The following PCSK5 variants were observed in gnomAD, a reference collection of about 807,000 sequenced individuals.
PCSK5 encodes proprotein convertase subtilisin/kexin type 5.
PCSK5 carries 129 observed loss-of-function variants against 233.2 expected under a neutral mutation model. That is an observed-to-expected ratio of 0.55 (90% CI 0.48 to 0.64). The LOEUF is 0.64. PCSK5 is among the 30% of genes least tolerant of loss of function. The probability of loss-of-function intolerance (pLI) is 0.00; values close to 1 mark genes in which losing one functional copy is unlikely to be tolerated. For missense variants in PCSK5, 2,076 were observed against 2,430.1 expected (o/e 0.85, Z 3.06); for synonymous variants, 825 against 879.2 (o/e 0.94, Z 1.09).
chr9:76,007,796 T>TTTTGTGTG (rs377671504), intron 3 of PCSK5, among the ~76,000 whole-genome samples: 1 of 128,308 alleles, frequency 7.8e-6, no homozygotes, highest in Non-Finnish European at 1.6e-5. Context: ...CCGGCTAATT[T>TTTTGTGTG]TGTGTGTGTG....
chr9:76,189,242 T>C lies in PCSK5; in HGVS notation c.2510+19T>C. On this transcript the variant is annotated intron_variant, in intron 19 of 37. Transcript: ENST00000674117. Reference sequence around the variant, plus strand: ...GCAAAAAGTAAGTGGATCTGCCCCCTGGGCCCTAGCATTTAGACCTAAGTT... The same window carrying C: ...GCAAAAAGTAAGTGGATCTGCCCCCCGGGCCCTAGCATTTAGACCTAAGTT... 1.9e-6 allele frequency: 3 copies of C among 1,608,498 alleles called. No individual in the cohort carries two copies. The highest frequency in any genetic ancestry group is 2.5e-6 in the Non-Finnish European group (3 of 1,177,894).
At chr9:76,261,302 C>A (rs1827166720) in intron 24 of PCSK5, among the ~76,000 whole-genome samples, 1 of 152,152 alleles carries the variant, frequency 6.6e-6, no homozygotes, top group East Asian at 1.9e-4. Context: ...AAACCGTTGC[C>A]TTTCTCCAAA....
intron 9 of PCSK5, among the ~76,000 whole-genome samples, chr9:76,113,105 T>A (rs1343570813): frequency 6.6e-6 from 1 of 152,158 alleles, no homozygotes; most frequent in African/African-American, 2.4e-5. Context: ...GACTTCTTTC[T>A]CCCATACTGC....
chr9:75,933,292 C>T (rs547022454), intron 2 of PCSK5, among the ~76,000 whole-genome samples: 2 of 152,234 alleles, frequency 1.3e-5, no homozygotes, highest in African/African-American at 4.8e-5. Flanking sequence ...ATTGGCCTCT[C>T]TGATGTGTCA....
At chr9:76,291,584 A>G (rs1478587530) in intron 24 of PCSK5, among the ~76,000 whole-genome samples, 3 of 152,166 alleles carry the variant, frequency 2.0e-5, no homozygotes, top group Admixed American at 6.5e-5. Context: ...AGGGAGAGAA[A>G]TAGGCTGAGA....
chr9:75,944,099 G>T (rs1233514264), intron 2 of PCSK5, among the ~76,000 whole-genome samples: 4 of 151,874 alleles, frequency 2.6e-5, no homozygotes, highest in Non-Finnish European at 5.9e-5. Context: ...GGAGGTTGAG[G>T]CTGCAGTGAG....
At chr9:76,093,162 G>A (rs1436645426) in intron 7 of PCSK5, among the ~76,000 whole-genome samples, 4 of 140,896 alleles carry the variant, frequency 2.8e-5, no homozygotes, top group Non-Finnish European at 6.0e-5. Context: ...TGAAGCAGTC[G>A]TAGCGCGCTG....
At chr9:76,268,992 T>A (rs1485187092) in intron 24 of PCSK5, among the ~76,000 whole-genome samples, 3 of 152,240 alleles carry the variant, frequency 2.0e-5, no homozygotes, top group Admixed American at 2.0e-4. Context: ...TTTCTTCATC[T>A]GTAAAATTTG....
At chr9:76,097,292 G>A (rs1214705374) in intron 8 of PCSK5, among the ~76,000 whole-genome samples, 2 of 106,132 alleles carry the variant, frequency 1.9e-5, no homozygotes, top group African/African-American at 4.2e-5. Flanking sequence ...TCGCTCTGTC[G>A]CCCAGGCGGG....
chr9:75,913,057 T>C (rs1240583157), intron 1 of PCSK5, among the ~76,000 whole-genome samples: 1 of 152,312 alleles, frequency 6.6e-6, no homozygotes, highest in Non-Finnish European at 1.5e-5. Context: ...TTCAAACAAC[T>C]AGAAGCCTTT....
intron 24 of PCSK5, among the ~76,000 whole-genome samples, chr9:76,254,691 T>TA (rs373618517): frequency 6.6e-6 from 1 of 152,300 alleles, no homozygotes; most frequent in East Asian, 1.9e-4. Flanking sequence ...GTTTGCTGCC[T>TA]AAAAAATGTA....
intron 36 of PCSK5, among the ~76,000 whole-genome samples, chr9:76,352,816 C>T (rs1830200344): frequency 6.6e-6 from 1 of 151,036 alleles, no homozygotes. Flanking sequence ...AACTGAGGCT[C>T]AAAGAGGTTA....
At chr9:76,200,741 G>A (rs941906647) in intron 20 of PCSK5, among the ~76,000 whole-genome samples, 3 of 152,188 alleles carry the variant, frequency 2.0e-5, no homozygotes, top group East Asian at 1.9e-4. Context: ...TCCTGTGGAC[G>A]GCGATCACTT....
chr9:76,215,233 A>C (rs2131292022), intron 20 of PCSK5, among the ~76,000 whole-genome samples: 1 of 152,270 alleles, frequency 6.6e-6, no homozygotes, highest in South Asian at 2.1e-4. Context: ...ACCATGTAAA[A>C]TCTGGTTAAG....
chr9:75,928,596 CATATATATATAT>C lies in PCSK5; in HGVS notation c.193-3751_193-3740del, dbSNP rs61537466. ...ATAAACATGCTTTTACATATAAATA[CATATATATATAT>C]ATATATATATATATATATATATATA... On this transcript the variant is annotated intron_variant, in intron 1 of 37. Coordinates refer to ENST00000674117, the MANE Select transcript of PCSK5 (RefSeq NM_001372043.1). Among the ~76,000 whole-genome samples, 511 of 68,400 alleles carry C rather than the reference CATATATATATAT, an allele frequency of 7.5e-3. 4 individuals carry two copies. Among genetic ancestry groups the C allele is most frequent in the African/African-American group, 0.021 (428 of 20,270 alleles). The allele number at this position is 68,400 out of a possible 152,430, so 44.9% of individuals were successfully genotyped here. A position where few individuals can be genotyped will look rare whatever the true frequency, so the allele number is the denominator to read the frequency against.
intron 2 of PCSK5, among the ~76,000 whole-genome samples, chr9:75,939,545 G>A (rs1199119509): frequency 6.6e-6 from 1 of 152,200 alleles, no homozygotes; most frequent in Non-Finnish European, 1.5e-5. Context: ...GTTGCTCATG[G>A]AGTTGGAAGG....
At chr9:76,047,258 A>G (rs896139969) in intron 5 of PCSK5, among the ~76,000 whole-genome samples, 1 of 151,884 alleles carries the variant, frequency 6.6e-6, no homozygotes, top group Non-Finnish European at 1.5e-5. Flanking sequence ...CACCATGCCC[A>G]GCTAACTTTT....
intron 36 of PCSK5, among the ~76,000 whole-genome samples, chr9:76,351,634 GAGAAAGA>G (rs1587368382): frequency 7.0e-6 from 1 of 143,094 alleles, no homozygotes; most frequent in Non-Finnish European, 1.5e-5. Flanking sequence ...AAGAAAGAGA[GAGAAAGA>G]AGAAAGAAAG....
intron 1 of PCSK5, among the ~76,000 whole-genome samples, chr9:75,931,888 A>C (rs890702454): frequency 6.6e-6 from 1 of 152,250 alleles, no homozygotes; most frequent in African/African-American, 2.4e-5. Flanking sequence ...TCACAAACAA[A>C]CGAAGTCATG....
Sources: gnomAD v4.1 joint callset for allele counts (sites outside exome capture counted in the v4.1 genomes callset) on GRCh38, gnomAD v4.1.1 for gene constraint, MANE v1.5 for transcripts, NCBI Gene and HGNC (gene_info 2026-07-23, HGNC 2026-07-21) for gene names.